TBC1D15: variants seen among roughly 807,000 people sequenced by gnomAD.
TBC1D15 encodes the protein GAP for RAB7.
TBC1D15 carries 39 observed loss-of-function variants against 95.4 expected under a neutral mutation model. That is an observed-to-expected ratio of 0.41 (90% CI 0.32 to 0.53). The LOEUF (loss-of-function observed/expected upper bound fraction) is 0.53. Among genes scored for constraint, TBC1D15 ranks in the 20% least tolerant of loss-of-function variants. TBC1D15 has a pLI of 0.29. For missense variants in TBC1D15, 733 were observed against 794.3 expected (o/e 0.92, Z 0.93); for synonymous variants, 258 against 261.3 (o/e 0.99, Z 0.12).
chr12:71,913,983 TTATAG>T, intron 12 of TBC1D15, 57 bp downstream of exon 12: 1 of 1,314,978 alleles, frequency 7.6e-7, no homozygotes, highest in Non-Finnish European at 1.1e-6. Flanking sequence ...TTGTATAATT[TTATAG>T]TATAAGGTTG....
chr12:71,886,745 G>C (rs1896303975), intron 5 of TBC1D15, among the ~76,000 whole-genome samples: 1 of 152,182 alleles, frequency 6.6e-6, no homozygotes, highest in Admixed American at 6.5e-5. Context: ...CTCGAAGTGA[G>C]AACCTGTGAT....
intron 12 of TBC1D15, among the ~76,000 whole-genome samples, chr12:71,915,085 A>G (rs1310777629): frequency 1.3e-5 from 2 of 151,982 alleles, no homozygotes; most frequent in Admixed American, 6.6e-5. Context: ...ATTTGGAAGG[A>G]TTATCAATGC....
chr12:71,924,239 TTAACA>T lies in TBC1D15; in HGVS notation c.*1040_*1044del, dbSNP rs1333266800. The T allele has an allele frequency of 3.3e-5, 5 of 152,672 alleles. No individual in the cohort carries two copies. The highest frequency in any genetic ancestry group is 1.2e-4 in the African/African-American group (5 of 41,470). 9.5% of individuals were successfully genotyped at this position (152,672 alleles called of 1,614,324 possible). A position where few individuals can be genotyped will look rare whatever the true frequency, so the allele number is the denominator to read the frequency against. On this transcript the variant is annotated 3_prime_UTR_variant, in exon 17 of 17. Transcript: ENST00000485960. The stretch of plus-strand genomic sequence containing the variant: ...TTGCATGATTTTAAGTTATGTGGAA[TTAACA>T]TAACTGATTTTGTTTTAATTGTAAG...
chr12:71,861,593 T>C (rs768682746), intron 1 of TBC1D15: 4 of 1,159,852 alleles, frequency 3.4e-6, no homozygotes, highest in Non-Finnish European at 4.6e-6. Context: ...TCACTTTTTT[T>C]CTTGGTTTGT....
intron 4 of TBC1D15, among the ~76,000 whole-genome samples, chr12:71,881,944 A>C (rs904204178): frequency 1.3e-5 from 2 of 148,808 alleles, no homozygotes; most frequent in Non-Finnish European, 3.0e-5. Context: ...AAAAAAGTTA[A>C]GGAGGCATTT....
Position 71,841,185 on chromosome 12 carries a change from A to C in TBC1D15, c.30+1374A>C, listed in dbSNP as rs148887080. The C allele has an allele frequency of 3.5e-4, 53 of 152,156 alleles. 1 individual carries two copies. The highest frequency in any genetic ancestry group is 1.1e-3 in the African/African-American group (44 of 41,520). 9.4% of individuals were successfully genotyped at this position (152,156 alleles called of 1,614,324 possible). A position where few individuals can be genotyped will look rare whatever the true frequency, so the allele number is the denominator to read the frequency against. ...TCCATCTAAACTGATCCAGGCTGGG[A>C]CTTTTCAAGAGGGGATCCCTTCCGT... On this transcript the variant is annotated intron_variant, in intron 1 of 16. Transcript: ENST00000485960.
intron 7 of TBC1D15, 50 bp downstream of exon 7, chr12:71,894,933 A>G (rs1193374464): frequency 6.5e-7 from 1 of 1,535,666 alleles, no homozygotes; most frequent in African/African-American, 1.4e-5. Context: ...ACAGGAGAAC[A>G]TGTACTATAG....
intron 1 of TBC1D15, among the ~76,000 whole-genome samples, chr12:71,859,640 C>A (rs895245681): frequency 6.6e-6 from 1 of 151,378 alleles, no homozygotes; most frequent in Non-Finnish European, 1.5e-5. Flanking sequence ...TGGAGTCTCA[C>A]TATGTTGCCC....
intron 12 of TBC1D15, among the ~76,000 whole-genome samples, chr12:71,915,578 C>A (rs1903514885): frequency 6.6e-6 from 1 of 151,870 alleles, no homozygotes; most frequent in Non-Finnish European, 1.5e-5. Context: ...TACACACATG[C>A]ATACAGACGT....
In TBC1D15 at chr12:71,923,422, G is replaced by C. The variant is rs1870175775; in HGVS notation, c.*218G>C. ...CTTTCCTTTTCGATAACATTCCTCA[G>C]TATTTTTATAGCCAAGTACATTTTA... is the stretch of plus-strand genomic sequence containing the variant. On this transcript the variant is annotated 3_prime_UTR_variant, in exon 17 of 17. Transcript: ENST00000485960. 2.2e-6 allele frequency: 1 copy of C among 460,336 alleles called. No individual in the cohort carries two copies. Among genetic ancestry groups the C allele is most frequent in the Non-Finnish European group, 3.8e-6 (1 of 260,270 alleles). The allele number at this position is 460,336 out of a possible 1,614,324, so 28.5% of individuals were successfully genotyped here. A position where few individuals can be genotyped will look rare whatever the true frequency, so the allele number is the denominator to read the frequency against.
intron 12 of TBC1D15, among the ~76,000 whole-genome samples, chr12:71,914,943 A>G (rs58623190): frequency 0.027 from 4,082 of 151,932 alleles, 184 homozygotes; most frequent in African/African-American, 0.092. Context: ...CATAGATTCA[A>G]CTTGTTTTTG....
At chr12:71,874,158 T>C (rs1035631300) in intron 3 of TBC1D15, among the ~76,000 whole-genome samples, 5 of 152,220 alleles carry the variant, frequency 3.3e-5, no homozygotes, top group Admixed American at 6.5e-5. Context: ...TTGAGGTCTT[T>C]GACATTGCTT....
At chr12:71,840,012 T>G (rs1884510761) in intron 1 of TBC1D15, among the ~76,000 whole-genome samples, 1 of 152,070 alleles carries the variant, frequency 6.6e-6, no homozygotes, top group Non-Finnish European at 1.5e-5. Flanking sequence ...CGGCTACTGC[T>G]CCAAGGCCAG....
chr12:71,870,528 G>A (rs1272787933), intron 1 of TBC1D15, among the ~76,000 whole-genome samples: 1 of 152,172 alleles, frequency 6.6e-6, no homozygotes, highest in Non-Finnish European at 1.5e-5. Context: ...ACTGTTTCCT[G>A]ACATAAGTCC....
At chr12:71,887,617 T>G (rs761471320) in intron 5 of TBC1D15, among the ~76,000 whole-genome samples, 2 of 152,220 alleles carry the variant, frequency 1.3e-5, no homozygotes, top group Non-Finnish European at 2.9e-5. Context: ...CCTCTCTTTC[T>G]GATCCCTGAG....
In TBC1D15 at chr12:71,894,813, T is replaced by C. The variant is rs199671194; in HGVS notation, c.785T>C (p.Phe262Ser). Residue 262 changes from phenylalanine to serine, a missense_variant, in exon 7 of 17, where the codon TTT becomes TCT. Phe to Ser is a radical substitution (Grantham distance 155). Coordinates refer to ENST00000485960, the MANE Select transcript of TBC1D15 (RefSeq NM_001146213.3). ...CGACCACCTTCAGAAATGGCAGATTTTCTTAGTGATGCTATTCCAGGTCTA... is the reference window on the plus strand; with the variant it reads ...CGACCACCTTCAGAAATGGCAGATTCTCTTAGTGATGCTATTCCAGGTCTA... Reference protein sequence around the residue: ...HQRPPSEMADFLSDAIPGLKI... With the variant: ...HQRPPSEMADSLSDAIPGLKI... The C allele has an allele frequency of 1.5e-5, 24 of 1,613,200 alleles. No individual in the cohort carries two copies. The highest frequency in any genetic ancestry group is 2.0e-5 in the Non-Finnish European group (23 of 1,179,390).
intron 10 of TBC1D15, among the ~76,000 whole-genome samples, chr12:71,900,871 A>G (rs1899221374): frequency 6.6e-6 from 1 of 152,124 alleles, no homozygotes; most frequent in Non-Finnish European, 1.5e-5. Context: ...AGAAACTTGA[A>G]AAAGGGAGGG....
At chr12:71,856,367 G>A (rs1291076779) in intron 1 of TBC1D15, among the ~76,000 whole-genome samples, 1 of 152,120 alleles carries the variant, frequency 6.6e-6, no homozygotes, top group Non-Finnish European at 1.5e-5. Context: ...TCATGAGAAT[G>A]TATTGCCTAT....
At chr12:71,901,819 A>G (rs950408870) in intron 10 of TBC1D15, among the ~76,000 whole-genome samples, 8 of 152,178 alleles carry the variant, frequency 5.3e-5, no homozygotes, top group African/African-American at 1.9e-4. Flanking sequence ...CACAGGCAAT[A>G]TGACACTATA....
Sources: gnomAD v4.1 joint callset for allele counts (sites outside exome capture counted in the v4.1 genomes callset) on GRCh38, gnomAD v4.1.1 for gene constraint, MANE v1.5 for transcripts, NCBI Gene and HGNC (gene_info 2026-07-23, HGNC 2026-07-21) for gene names.